SEMA4D: variants seen among roughly 807,000 people sequenced by gnomAD.
The protein encoded by SEMA4D is semaphorin-4D.
Under a neutral mutation model 74.8 loss-of-function variants are expected in SEMA4D, and 22 were observed. That is an observed-to-expected ratio of 0.29 (90% CI 0.21 to 0.42). The LOEUF (loss-of-function observed/expected upper bound fraction) is 0.42. SEMA4D is among the 10% of genes least tolerant of loss of function. The pLI is 1.00. For missense variants in SEMA4D, 937 were observed against 1,118.4 expected, an observed-to-expected ratio of 0.84 and a Z score of 2.31; for synonymous variants, 445 against 463.7, an observed-to-expected ratio of 0.96 and a Z score of 0.52.
Position 89,381,447 on chromosome 9 carries a change from C to T in SEMA4D, c.1447-101G>A. 1 of 1,169,498 alleles carries T rather than the reference C, an allele frequency of 8.6e-7. No homozygotes were observed. Among genetic ancestry groups the T allele is most frequent in the Non-Finnish European group, 1.2e-6 (1 of 850,468 alleles). The allele number at this position is 1,169,498 out of a possible 1,614,324, so 72.4% of individuals were successfully genotyped here. A position where few individuals can be genotyped will look rare whatever the true frequency, so the allele number is the denominator to read the frequency against. On this transcript the variant is annotated intron_variant, in intron 13 of 15. Coordinates refer to ENST00000422704, the MANE Select transcript of SEMA4D (RefSeq NM_001371194.2). This position sits in a 1 kb window ranked among gnomAD's most constrained non-coding sequence, Gnocchi z 4.6. ...GTGTGTGGGAAGCAGCCAGAGTGTA[C>T]CTTCAGGGGACATTGCAGTAAGGAG...
intron 1 of SEMA4D, chr9:89,479,951 T>C (rs1484789634): frequency 2.6e-5 from 4 of 152,218 alleles, no homozygotes; most frequent in Non-Finnish European, 1.5e-5. Context: ...ATCCTGCTGA[T>C]TGGTAGAGCC....
intron 1 of SEMA4D, among the ~76,000 whole-genome samples, chr9:89,456,759 G>A (rs1370712111): frequency 1.3e-5 from 2 of 152,180 alleles, no homozygotes; most frequent in East Asian, 3.9e-4. Context: ...GCTGATTTTT[G>A]TATCTTTTTT....
intron 2 of SEMA4D, among the ~76,000 whole-genome samples, chr9:89,423,260 C>T (rs898891716): frequency 8.6e-5 from 13 of 151,138 alleles, no homozygotes; most frequent in Non-Finnish European, 1.6e-4. Flanking sequence ...GGCGTGATCT[C>T]GGCTCACTGC....
At chr9:89,401,211 C>T (rs1415326094) in intron 4 of SEMA4D, among the ~76,000 whole-genome samples, 3 of 147,428 alleles carry the variant, frequency 2.0e-5, no homozygotes, top group African/African-American at 7.5e-5. Context: ...CCTGAGCCAC[C>T]ACACCTGGCT....
At position 89,377,369 on chromosome 9, in the gene SEMA4D, G is replaced by C; in HGVS notation, c.*1335C>G. 4.0e-6 allele frequency: 1 copy of C among 247,752 alleles called. No individual in the cohort carries two copies. The highest frequency in any genetic ancestry group is 7.7e-6 in the Non-Finnish European group (1 of 130,150). 15.3% of individuals were successfully genotyped at this position (247,752 alleles called of 1,614,324 possible). ...ATGGTCAAATCCTATCATGCTGGAA[G>C]ATAAGACTGTCCACACACGCGCACA... On this transcript the variant is annotated 3_prime_UTR_variant, in exon 16 of 16. Coordinates refer to ENST00000422704, the MANE Select transcript of SEMA4D (RefSeq NM_001371194.2).
chr9:89,448,842 G>C (rs536869704), intron 2 of SEMA4D, among the ~76,000 whole-genome samples: 98 of 152,324 alleles, frequency 6.4e-4, no homozygotes, highest in African/African-American at 2.3e-3. Context: ...TCCTGCAGCT[G>C]CATAGATAGC....
At chr9:89,442,446 T>C (rs1404349710) in intron 2 of SEMA4D, among the ~76,000 whole-genome samples, 3 of 151,816 alleles carry the variant, frequency 2.0e-5, no homozygotes, top group African/African-American at 7.3e-5. Context: ...ATAGAAAAAA[T>C]TGTAAGAAAA....
chr9:89,482,678 T>G (rs1824816511), intron 1 of SEMA4D, among the ~76,000 whole-genome samples: 1 of 152,188 alleles, frequency 6.6e-6, no homozygotes, highest in South Asian at 2.1e-4. Context: ...AACTACAATG[T>G]AAGTGCTTGA....
At chr9:89,370,734 G>A (rs1281576024) in intron 16 of SEMA4D, among the ~76,000 whole-genome samples, 2 of 149,172 alleles carry the variant, frequency 1.3e-5, no homozygotes, top group African/African-American at 2.5e-5. Context: ...TGTGGGGTGT[G>A]GTGTGTGTGT....
At chr9:89,464,075 G>A (rs569991910) in intron 1 of SEMA4D, among the ~76,000 whole-genome samples, 2 of 152,134 alleles carry the variant, frequency 1.3e-5, no homozygotes, top group African/African-American at 2.4e-5. Flanking sequence ...TTAAATTTCA[G>A]AATCAGAACA....
intron 1 of SEMA4D, among the ~76,000 whole-genome samples, chr9:89,460,922 C>A (rs563762988): frequency 6.6e-6 from 1 of 152,138 alleles, no homozygotes; most frequent in Non-Finnish European, 1.5e-5. Context: ...AAGGGGAGGA[C>A]GGAGAAGGCG....
chr9:89,448,497 G>A (rs1490517274), intron 2 of SEMA4D, among the ~76,000 whole-genome samples: 2 of 152,238 alleles, frequency 1.3e-5, no homozygotes, highest in African/African-American at 2.4e-5. Flanking sequence ...AGGGAGGCAA[G>A]GTATGCCTAC....
At chr9:89,475,014 C>T (rs1447658236) in intron 1 of SEMA4D, among the ~76,000 whole-genome samples, 1 of 152,232 alleles carries the variant, frequency 6.6e-6, no homozygotes, top group Non-Finnish European at 1.5e-5. Context: ...GCCCTGCTGG[C>T]ACCATGTGGT....
chr9:89,360,952 GAA>G (rs1832715760), exon 19 of SEMA4D: 3 of 152,338 alleles, frequency 2.0e-5, no homozygotes, highest in African/African-American at 7.2e-5. Flanking sequence ...GACTTCAGGA[GAA>G]GAGACAGAAA....
intron 16 of SEMA4D, chr9:89,367,263 G>GTCTC (rs1319570882): frequency 1.0e-4 from 16 of 152,454 alleles, no homozygotes; most frequent in South Asian, 2.1e-4. Context: ...GCAAACCCAC[G>GTCTC]TATGTCCCAC....
In SEMA4D at chr9:89,381,210, G is replaced by T. The variant is rs1272075870; in HGVS notation, c.1583C>A (p.Thr528Asn). The T allele has an allele frequency of 1.2e-6, 2 of 1,609,546 alleles. No homozygotes were observed. The highest frequency in any genetic ancestry group is 2.2e-5 in the South Asian group (2 of 91,010). ...PYCAWSPPTA[T>N]CVALHQTESP... ...CTCGGTCTGGTGCAGAGCCACGCAG[G>T]TCGCTGTGGGCGGGCTCCAGGCGCA... is the stretch of plus-strand genomic sequence containing the variant. The change falls in exon 14 of 16, where the codon ACC becomes AAC. Residue 528 changes from threonine to asparagine, a missense_variant. Transcript: ENST00000422704. This position sits in a 1 kb window ranked among gnomAD's most constrained non-coding sequence, Gnocchi z 4.6.
chr9:89,434,036 GGA>G (rs1402246748), intron 2 of SEMA4D, among the ~76,000 whole-genome samples: 3 of 152,208 alleles, frequency 2.0e-5, no homozygotes, highest in African/African-American at 7.2e-5. Flanking sequence ...CCCGCTCTGG[GGA>G]GAGATGCTGT....
intron 13 of SEMA4D, chr9:89,386,025 T>C: frequency 1.0e-6 from 1 of 985,428 alleles, no homozygotes; most frequent in South Asian, 4.7e-5. Flanking sequence ...ATCCCACAGA[T>C]GCAGTCTGCA....
intron 2 of SEMA4D, among the ~76,000 whole-genome samples, chr9:89,447,774 C>G (rs545970236): frequency 6.6e-6 from 1 of 151,366 alleles, no homozygotes; most frequent in Non-Finnish European, 1.5e-5. Flanking sequence ...TCTGCCTCAG[C>G]CCACTGCCCC....
Sources: allele counts gnomAD v4.1 joint callset (sites outside exome capture counted in the v4.1 genomes callset), GRCh38; gene constraint gnomAD v4.1.1; non-coding constraint Gnocchi (gnomAD v3.1); transcripts MANE v1.5; gene names NCBI Gene and HGNC (gene_info 2026-07-23, HGNC 2026-07-21).